The following SPTAN1 variants were observed in gnomAD, a reference collection of about 807,000 sequenced individuals.
The protein encoded by SPTAN1 is spectrin alpha chain, non-erythrocytic 1.
A neutral mutation model predicts 331.3 loss-of-function variants in SPTAN1; 61 were observed. That is an observed-to-expected ratio of 0.18 (90% CI 0.15 to 0.23). The LOEUF (loss-of-function observed/expected upper bound fraction) is 0.23. Among genes scored for constraint, SPTAN1 ranks in the 10% least tolerant of loss-of-function variants. The pLI, the probability that SPTAN1 is intolerant of heterozygous loss-of-function variation, is 1.00. For synonymous variants in SPTAN1, 1,153 were observed against 1,173.9 expected (o/e 0.98, Z 0.36); for missense variants, 2,043 against 3,147.9 (o/e 0.65, Z 8.40).
rs561079045 is a variant in SPTAN1 at position 128,584,098 on chromosome 9, G to T, written c.2193+129G>T. The T allele has an allele frequency of 4.9e-6, 7 of 1,426,302 alleles. No individual in the cohort carries two copies. In the East Asian group the frequency reaches 9.4e-5, roughly 19 times the overall value. 88.4% of individuals were successfully genotyped at this position (1,426,302 alleles called of 1,614,324 possible). On this transcript the variant is annotated intron_variant, in intron 16 of 56. Transcript: ENST00000372739. ...TGTGTTGATTTTCTTAGATCGCTCT[G>T]TGCTGCATGTGCTTCTGCTCAAATT...
chr9:128,633,111 G>C, intron 56 of SPTAN1, 98 bp from the exon 57 acceptor site: 1 of 1,596,748 alleles, frequency 6.3e-7, no homozygotes, highest in Non-Finnish European at 8.5e-7. Context: ...TCTGCTTGTA[G>C]AAGCAGCTCC....
In SPTAN1 at chr9:128,632,210, C is replaced by T. The variant is rs1214851916; in HGVS notation, c.6846C>T (p.Ile2282=). The T allele has an allele frequency of 5.6e-6, 9 of 1,613,432 alleles. No individual in the cohort carries two copies. Among genetic ancestry groups the T allele is most frequent in the Non-Finnish European group, 7.6e-6 (9 of 1,180,018 alleles). Residue 2282 remains isoleucine, a synonymous_variant, in exon 53 of 57, where the codon ATC becomes ATT. Coordinates refer to ENST00000372739, the MANE Select transcript of SPTAN1 (RefSeq NM_001130438.3). ...DLGAAMEEAL[I]LDNKYTEHST... ...GGGCCGCCATGGAGGAGGCCCTCAT[C>T]CTGGACAACAAGTACACGGAGCACA... is the stretch of plus-strand genomic sequence containing the variant.
chr9:128,632,760 G>A (rs1466691946), intron 55 of SPTAN1, 42 bp downstream of exon 55: 4 of 1,613,858 alleles, frequency 2.5e-6, no homozygotes, highest in East Asian at 2.2e-5. Flanking sequence ...TCTGCCCGGG[G>A]CACCCACCTG....
rs2131267665 is a variant in SPTAN1, at chr9:128,588,924, T to TA, written c.2988dup (p.Leu997ThrfsTer54). 1 of 1,614,036 alleles carries TA rather than the reference T, an allele frequency of 6.2e-7. No individual in the cohort carries two copies. The highest frequency in any genetic ancestry group is 8.5e-7 in the Non-Finnish European group (1 of 1,179,994). On this transcript the variant is annotated frameshift_variant, in exon 21 of 57. Transcript: ENST00000372739. LOFTEE classifies it high-confidence loss of function. ...ATGAAGAAGGGAGATATCCTTACCTTACTCAACAGCACCAACAAGGCAAGG... is the reference window on the plus strand; with the variant it reads ...ATGAAGAAGGGAGATATCCTTACCTTAACTCAACAGCACCAACAAGGCAAGG...
chr9:128,584,212 A>G (rs1417866069), intron 16 of SPTAN1, 70 bp from the exon 17 acceptor site: 1 of 1,609,646 alleles, frequency 6.2e-7, no homozygotes, highest in Non-Finnish European at 8.5e-7. Context: ...AAAAGACCTT[A>G]TCAATTTTTC....
In SPTAN1 at chr9:128,611,853, C is replaced by A; in HGVS notation, c.4905+8C>A. 1 of 1,614,102 alleles carries A rather than the reference C, an allele frequency of 6.2e-7. No individual in the cohort carries two copies. Among genetic ancestry groups the A allele is most frequent in the Non-Finnish European group, 8.5e-7 (1 of 1,180,032 alleles). The stretch of plus-strand genomic sequence containing the variant: ...AGTGAGGATGCTGTCAAGGTATGGC[C>A]CACCAGCTCCCGGTGCCCAGGGAGG... On this transcript the variant is annotated splice_region_variant and intron_variant, in intron 38 of 56. Coordinates refer to ENST00000372739, the MANE Select transcript of SPTAN1 (RefSeq NM_001130438.3).
In SPTAN1 at chr9:128,621,102, T is replaced by A; in HGVS notation, c.5734-56T>A. 3 of 1,525,268 alleles carry A rather than the reference T, an allele frequency of 2.0e-6. No individual in the cohort carries two copies. In the Admixed American group the frequency reaches 5.0e-5, roughly 26 times the overall value. The allele number at this position is 1,525,268 out of a possible 1,614,324, so 94.5% of individuals were successfully genotyped here. On this transcript the variant is annotated intron_variant, in intron 44 of 56. Transcript: ENST00000372739. ...TTTGTCACTCTCTGTCCCCGGGGCC[T>A]AGCCCACAACACATAGCAGGCTCTC...
intron 1 of SPTAN1, among the ~76,000 whole-genome samples, chr9:128,557,936 T>A (rs1848840034): frequency 6.6e-6 from 1 of 151,374 alleles, no homozygotes; most frequent in African/African-American, 2.4e-5. Context: ...CCCGAATAGC[T>A]GGGACTACAG....
chr9:128,571,542 G>A (rs1445146494), intron 3 of SPTAN1, among the ~76,000 whole-genome samples: 1 of 152,154 alleles, frequency 6.6e-6, no homozygotes, highest in Admixed American at 6.5e-5. Context: ...CCGAGATCCT[G>A]CCATTGCACT....
Position 128,561,370 on chromosome 9 carries a change from C to CA in SPTAN1, c.-3-5357dup, listed in dbSNP as rs1362490259. 3.5e-3 allele frequency among the ~76,000 whole-genome samples: 288 copies of CA among 81,610 alleles called. 1 individual carries two copies. The highest frequency in any genetic ancestry group is 0.015 in the Middle Eastern group (1 of 66). 53.5% of individuals were successfully genotyped at this position (81,610 alleles called of 152,430 possible). Reference sequence around the variant, plus strand: ...CTGGCGACAGAGCAAGACTCCATCTCAAAAAAAAAAAGGCCAGGCGCGGTG... The same window carrying CA: ...CTGGCGACAGAGCAAGACTCCATCTCAAAAAAAAAAAAGGCCAGGCGCGGTG... On this transcript the variant is annotated intron_variant, in intron 1 of 56. Coordinates refer to ENST00000372739, the MANE Select transcript of SPTAN1 (RefSeq NM_001130438.3).
At position 128,632,735 on chromosome 9, in the gene SPTAN1, C is replaced by A. The variant is rs1423474922; in HGVS notation, c.7160+17C>A. On this transcript the variant is annotated intron_variant, in intron 55 of 56. Transcript: ENST00000372739. ...TCCGAACAGGTAAATTAATTAAGGC[C>A]AGGTGCTGTGAGCCTCTGCCCGGGG... 3.7e-6 allele frequency: 6 copies of A among 1,614,022 alleles called. No homozygotes were observed. In the South Asian group the frequency reaches 6.6e-5, roughly 18 times the overall value.
chr9:128,615,222 GT>G (rs1180376865), intron 40 of SPTAN1, among the ~76,000 whole-genome samples: 2 of 152,146 alleles, frequency 1.3e-5, no homozygotes, highest in Non-Finnish European at 2.9e-5. Context: ...AGTTTGTTCG[GT>G]GGTTGTTCTT....
chr9:128,614,610 A>C (rs76587835), intron 40 of SPTAN1, among the ~76,000 whole-genome samples: 7,828 of 151,620 alleles, frequency 0.052, 644 homozygotes, highest in African/African-American at 0.18. Flanking sequence ...CAAAAAAAAA[A>C]CACAAAAATT....
At chr9:128,574,858 A>G in intron 4 of SPTAN1, 43 bp downstream of exon 4, 1 of 1,613,618 alleles carries the variant, frequency 6.2e-7, no homozygotes, top group Non-Finnish European at 8.5e-7. Flanking sequence ...TACTCAAAGA[A>G]AAGGGAAGAG....
intron 44 of SPTAN1, among the ~76,000 whole-genome samples, chr9:128,620,863 A>C (rs939127681): frequency 6.6e-6 from 1 of 152,150 alleles, no homozygotes; most frequent in Non-Finnish European, 1.5e-5. Flanking sequence ...GAGAGACCAT[A>C]AGTCACTGTT....
chr9:128,626,590 G>T lies in SPTAN1; in HGVS notation c.6479G>T (p.Arg2160Leu), dbSNP rs745582924. ...ADFNQLAELD[R>L]QIKSFRVASN... ...TTCAACCAGCTGGCCGAGCTGGACC[G>T]CCAGATCAAGAGCTTCCGCGTAGCC... The change falls in exon 49 of 57, where the codon CGC becomes CTC. Residue 2160 changes from arginine to leucine, a missense_variant. By Grantham distance (102) the Arg-to-Leu change is moderately radical (BLOSUM62 -2). This residue lies in a region of SPTAN1 where 256 missense variants were observed against 376.4 expected (regional missense o/e 0.68). Transcript: ENST00000372739. 6.2e-7 allele frequency: 1 copy of T among 1,613,828 alleles called. No individual in the cohort carries two copies. The highest frequency in any genetic ancestry group is 8.5e-7 in the Non-Finnish European group (1 of 1,179,978).
intron 52 of SPTAN1, chr9:128,630,594 A>T (rs903020975): frequency 1.9e-6 from 1 of 515,876 alleles, no homozygotes; most frequent in Non-Finnish European, 3.5e-6. Context: ...CAGTGGTGCG[A>T]TATTGGCTCA....
Position 128,598,492 on chromosome 9 carries a change from T to C in SPTAN1, c.3507T>C (p.Ala1169=), listed in dbSNP as rs1317264372. ...SEGLMAEEVQ[A]VQQQEVYGMM... ...GTCTCATGGCAGAGGAGGTGCAGGC[T>C]GTGCAACAACAGGTAGGTGTCTCCA... The change falls in exon 25 of 57, where the codon GCT becomes GCC. Residue 1169 remains alanine, a synonymous_variant. Coordinates refer to ENST00000372739, the MANE Select transcript of SPTAN1 (RefSeq NM_001130438.3). 2 of 1,608,742 alleles carry C rather than the reference T, an allele frequency of 1.2e-6. No homozygotes were observed. The highest frequency in any genetic ancestry group is 1.7e-6 in the Non-Finnish European group (2 of 1,177,572).
chr9:128,608,748 G>A (rs1564281480), intron 34 of SPTAN1, 126 bp from the exon 35 acceptor site: 1 of 899,784 alleles, frequency 1.1e-6, no homozygotes, highest in Non-Finnish European at 1.9e-6. Context: ...AAGTGTCAGT[G>A]TATTCTGATC....
Sources: allele counts gnomAD v4.1 joint callset (sites outside exome capture counted in the v4.1 genomes callset), GRCh38; gene constraint gnomAD v4.1.1; regional missense constraint gnomAD v4.1.1; transcripts MANE v1.5; gene names NCBI Gene and HGNC (gene_info 2026-07-23, HGNC 2026-07-21).